Variants in GRM5 observed in about 807,000 individuals in gnomAD.
GRM5 encodes glutamate metabotropic receptor 5.
A neutral mutation model predicts 83.1 loss-of-function variants in GRM5; 19 were observed. The observed-to-expected ratio is 0.23, with a 90% CI of 0.16 to 0.34. The LOEUF (loss-of-function observed/expected upper bound fraction) is 0.34. Among genes scored for constraint, GRM5 ranks in the 10% least tolerant of loss-of-function variants. GRM5 has a pLI of 1.00. For missense variants in GRM5, 1,160 were observed against 1,588.3 expected (o/e 0.73, Z 4.58); for synonymous variants, 675 against 633.6 (o/e 1.07, Z -0.98).
intron 4 of GRM5, among the ~76,000 whole-genome samples, chr11:88,606,747 C>T (rs1348981013): frequency 6.6e-6 from 1 of 151,964 alleles, no homozygotes; most frequent in African/African-American, 2.4e-5. Context: ...GAAAATGTTC[C>T]TGCCTGTGGT....
intron 3 of GRM5, among the ~76,000 whole-genome samples, chr11:88,799,369 T>C (rs1184134561): frequency 6.6e-6 from 1 of 152,042 alleles, no homozygotes; most frequent in Non-Finnish European, 1.5e-5. Flanking sequence ...AAACAGTATA[T>C]ACAGTATTAA....
At chr11:88,724,232 T>A (rs1400078198) in intron 3 of GRM5, among the ~76,000 whole-genome samples, 2 of 152,162 alleles carry the variant, frequency 1.3e-5, no homozygotes, top group East Asian at 1.9e-4. Context: ...GCACATACCA[T>A]CCCTGATAGT....
intron 8 of GRM5, among the ~76,000 whole-genome samples, chr11:88,536,245 AT>A (rs1191252286): frequency 6.6e-6 from 1 of 152,006 alleles, no homozygotes; most frequent in Non-Finnish European, 1.5e-5. Context: ...GTTTGCAATT[AT>A]CTTTTGTGTA....
chr11:89,033,034 G>C (rs1432866886), intron 2 of GRM5, among the ~76,000 whole-genome samples: 3 of 151,902 alleles, frequency 2.0e-5, no homozygotes, highest in African/African-American at 7.2e-5. Flanking sequence ...TATTTTGTAA[G>C]AAAACTTAAA....
At chr11:88,565,059 T>C (rs1281413798) in intron 8 of GRM5, among the ~76,000 whole-genome samples, 1 of 151,138 alleles carries the variant, frequency 6.6e-6, no homozygotes, top group Non-Finnish European at 1.5e-5. Context: ...GCAGACACTA[T>C]ACACATGTTA....
At chr11:88,916,153 C>A (rs1200698966) in intron 2 of GRM5, among the ~76,000 whole-genome samples, 1 of 152,046 alleles carries the variant, frequency 6.6e-6, no homozygotes, top group Non-Finnish European at 1.5e-5. Flanking sequence ...TGCAGGAACA[C>A]CAAATTGAAC....
intron 8 of GRM5, among the ~76,000 whole-genome samples, chr11:88,556,318 T>C (rs901539271): frequency 7.3e-6 from 1 of 136,562 alleles, no homozygotes; most frequent in Non-Finnish European, 1.5e-5. Flanking sequence ...CACATTCTTT[T>C]CTTTTCTTTT....
chr11:88,520,797 A>G (rs997543009), intron 9 of GRM5, among the ~76,000 whole-genome samples: 9 of 152,198 alleles, frequency 5.9e-5, no homozygotes, highest in Non-Finnish European at 1.3e-4. Context: ...AACAAGGACT[A>G]TTATGACATG....
intron 3 of GRM5, among the ~76,000 whole-genome samples, chr11:88,686,637 A>C (rs1277631002): frequency 6.6e-6 from 1 of 152,122 alleles, no homozygotes; most frequent in Non-Finnish European, 1.5e-5. Context: ...GTGGGAGATA[A>C]TTTGAATCAA....
intron 2 of GRM5, among the ~76,000 whole-genome samples, chr11:89,000,555 G>A (rs1940345007): frequency 6.6e-6 from 1 of 151,958 alleles, no homozygotes; most frequent in African/African-American, 2.4e-5. Context: ...AATTCAAGCT[G>A]GATCATGGAC....
intron 2 of GRM5, among the ~76,000 whole-genome samples, chr11:88,953,124 T>C (rs1938512308): frequency 6.6e-6 from 1 of 152,198 alleles, no homozygotes; most frequent in Admixed American, 6.5e-5. Flanking sequence ...ATGTTCTAGA[T>C]CAAATTTATT....
intron 3 of GRM5, among the ~76,000 whole-genome samples, chr11:88,803,339 T>C (rs1943436925): frequency 6.6e-6 from 1 of 151,804 alleles, no homozygotes; most frequent in African/African-American, 2.4e-5. Flanking sequence ...AAAACAGAGA[T>C]ATAGATCAAT....
chr11:88,593,548 G>T (rs1210411491), intron 6 of GRM5, among the ~76,000 whole-genome samples: 1 of 151,490 alleles, frequency 6.6e-6, no homozygotes, highest in East Asian at 2.0e-4. Flanking sequence ...TGTGGTGGCA[G>T]GTGCCTGTAA....
chr11:88,686,307 T>A (rs890481702), intron 3 of GRM5, among the ~76,000 whole-genome samples: 2 of 152,160 alleles, frequency 1.3e-5, no homozygotes, highest in African/African-American at 2.4e-5. Context: ...ATTTCTCCCA[T>A]TTGGAATGGC....
At chr11:88,938,528 A>T (rs747104602) in intron 2 of GRM5, among the ~76,000 whole-genome samples, 1 of 145,408 alleles carries the variant, frequency 6.9e-6, no homozygotes, top group Non-Finnish European at 1.5e-5. Flanking sequence ...TAATTCGCAC[A>T]ATATTTTTAT....
At chr11:89,028,966 G>C (rs1468978308) in intron 2 of GRM5, among the ~76,000 whole-genome samples, 1 of 150,106 alleles carries the variant, frequency 6.7e-6, no homozygotes, top group Non-Finnish European at 1.5e-5. Context: ...TACCCTCCCT[G>C]TTCTCCTTCC....
chr11:89,060,285 TAC>T (rs36002872), intron 1 of GRM5, among the ~76,000 whole-genome samples: 1,106 of 80,850 alleles, frequency 0.014, 19 homozygotes, highest in East Asian at 0.08. Flanking sequence ...TATATATATA[TAC>T]ACACACACAC....
In GRM5 at chr11:88,604,753, C is replaced by T. The variant is rs369401136; in HGVS notation, c.1359G>A (p.Thr453=). ...AGTCTCCATTCTCATCGAATAGGAT[C>T]GTATCTCCAGAAACCCCAGTAAAAT... ...KTNFTGVSGD[T]ILFDENGDSP... is the part of the protein sequence containing the mutation. Residue 453 remains threonine (T), a synonymous_variant, in exon 5 of 10, where the codon ACG becomes ACA. Transcript: ENST00000305447. The T allele has an allele frequency of 9.3e-6, 15 of 1,611,632 alleles. No homozygotes were observed. In the Middle Eastern group the frequency reaches 4.9e-4, roughly 53 times the overall value.
intron 2 of GRM5, among the ~76,000 whole-genome samples, chr11:89,029,749 C>T (rs939685205): frequency 2.6e-5 from 4 of 152,026 alleles, no homozygotes; most frequent in African/African-American, 2.4e-5. Flanking sequence ...TCCTAAATGC[C>T]TTATATTAAA....
Sources: gnomAD v4.1 joint callset for allele counts (sites outside exome capture counted in the v4.1 genomes callset) on GRCh38, gnomAD v4.1.1 for gene constraint, MANE v1.5 for transcripts, NCBI Gene and HGNC (gene_info 2026-07-23, HGNC 2026-07-21) for gene names.